Variants in NRCAM observed in about 807,000 individuals in gnomAD.
NRCAM encodes the protein neuronal cell adhesion molecule.
A neutral mutation model predicts 156.5 loss-of-function variants in NRCAM; 83 were observed. The observed-to-expected ratio is 0.53, with a 90% confidence interval of 0.44 to 0.64. NRCAM has a LOEUF of 0.64. NRCAM is among the 30% of genes least tolerant of loss of function. NRCAM has a pLI of 0.00. For synonymous variants in NRCAM, 538 were observed against 563.9 expected, an observed-to-expected ratio of 0.95 and a Z score of 0.65; for missense variants, 1,417 against 1,597.3, an observed-to-expected ratio of 0.89 and a Z score of 1.92.
chr7:108,311,270 ATTAC>A (rs1212715815), intron 3 of NRCAM, among the ~76,000 whole-genome samples: 1 of 152,186 alleles, frequency 6.6e-6, no homozygotes, highest in Non-Finnish European at 1.5e-5. Context: ...ACTTAATACC[ATTAC>A]TAGTAACTCC....
chr7:108,212,251 T>C (rs1049621637), intron 11 of NRCAM, among the ~76,000 whole-genome samples: 2 of 152,158 alleles, frequency 1.3e-5, no homozygotes, highest in Non-Finnish European at 2.9e-5. Flanking sequence ...ACAACAGACT[T>C]CAGCCCTAGA....
At chr7:108,179,974 G>C (rs1431116279) in intron 25 of NRCAM, among the ~76,000 whole-genome samples, 2 of 152,158 alleles carry the variant, frequency 1.3e-5, no homozygotes, top group African/African-American at 2.4e-5. Context: ...AGTGTGTGTG[G>C]AGAAAAATTT....
intron 11 of NRCAM, among the ~76,000 whole-genome samples, chr7:108,219,073 A>G (rs1232885640): frequency 6.6e-6 from 1 of 152,210 alleles, no homozygotes; most frequent in Admixed American, 6.5e-5. Flanking sequence ...CAAGGCTGCT[A>G]TGAACACCCT....
intron 2 of NRCAM, among the ~76,000 whole-genome samples, chr7:108,391,468 C>T (rs36199470): frequency 0.19 from 29,518 of 151,740 alleles, 3,479 homozygotes; most frequent in South Asian, 0.35. Flanking sequence ...CTATGTGTGT[C>T]TCTGCATGTG....
At chr7:108,235,391 C>G (rs1544677) in intron 5 of NRCAM, among the ~76,000 whole-genome samples, 124,644 of 152,166 alleles carry the variant, frequency 0.82, 51,149 homozygotes, top group Admixed American at 0.87. Context: ...TCTGAAGAAA[C>G]CTGTATCTGG....
At chr7:108,450,257 C>CTTTTTTTTTTTTTTTTTTTTTT (rs11316439) in intron 1 of NRCAM, among the ~76,000 whole-genome samples, 2 of 144,976 alleles carry the variant, frequency 1.4e-5, no homozygotes, top group Non-Finnish European at 1.5e-5. Flanking sequence ...TTACCACTGG[C>CTTTTTTTTTTTTTTTTTTTTTT]TTTTTTTTTT....
chr7:108,429,419 T>C (rs1471928220), intron 1 of NRCAM, among the ~76,000 whole-genome samples: 1 of 152,234 alleles, frequency 6.6e-6, no homozygotes, highest in African/African-American at 2.4e-5. Context: ...TTCAAACTCC[T>C]GACCTCAGGT....
chr7:108,251,969 A>C (rs2096379019), intron 3 of NRCAM, among the ~76,000 whole-genome samples: 1 of 152,204 alleles, frequency 6.6e-6, no homozygotes, highest in Non-Finnish European at 1.5e-5. Context: ...ACCAGAAAAC[A>C]GAAAACAAAA....
At chr7:108,178,276 T>A in intron 25 of NRCAM, 164 bp from the exon 26 acceptor site, 1 of 604,584 alleles carries the variant, frequency 1.7e-6, no homozygotes, top group Non-Finnish European at 2.9e-6. Flanking sequence ...GGCACCCATT[T>A]AGTTATTCTC....
At chr7:108,337,922 T>C (rs1486945681) in intron 2 of NRCAM, among the ~76,000 whole-genome samples, 1 of 152,174 alleles carries the variant, frequency 6.6e-6, no homozygotes, top group East Asian at 1.9e-4. Flanking sequence ...TTCCTTAGAA[T>C]TGGAGGAAAA....
intron 2 of NRCAM, among the ~76,000 whole-genome samples, chr7:108,353,591 G>T (rs527795334): frequency 6.6e-6 from 1 of 152,164 alleles, no homozygotes; most frequent in Admixed American, 6.6e-5. Context: ...GAAGTGCAGG[G>T]ATTACAGGCA....
chr7:108,436,624 C>A (rs1033912197), intron 1 of NRCAM, among the ~76,000 whole-genome samples: 3 of 151,972 alleles, frequency 2.0e-5, no homozygotes, highest in Non-Finnish European at 2.9e-5. Flanking sequence ...TTTTTCATAA[C>A]AAAATTTTAG....
rs2150816665 is a variant in NRCAM, at chr7:108,150,066, G to A, written c.3759C>T (p.Asp1253=). Reference sequence around the variant, plus strand: ...CCCCTTCTCCATAGTCAACTAGGCTGTCGTCACTATCTTCTTTTTTCACAG... The same window carrying A: ...CCCCTTCTCCATAGTCAACTAGGCTATCGTCACTATCTTCTTTTTTCACAG... The part of the protein sequence containing the change: ...DRTVKKEDSD[D]SLVDYGEGVN... The change falls in exon 33 of 33, where the codon GAC becomes GAT. Residue 1253 remains aspartate, a synonymous_variant. Coordinates refer to ENST00000379028, the MANE Select transcript of NRCAM (RefSeq NM_001037132.4). 1.9e-6 allele frequency: 3 copies of A among 1,614,038 alleles called. No individual in the cohort carries two copies. The highest frequency in any genetic ancestry group is 2.5e-6 in the Non-Finnish European group (3 of 1,179,958).
At chr7:108,350,239 A>T (rs1247256808) in intron 2 of NRCAM, among the ~76,000 whole-genome samples, 4 of 152,034 alleles carry the variant, frequency 2.6e-5, no homozygotes, top group African/African-American at 9.7e-5. Context: ...TATCATCTAA[A>T]CTCACTGTTC....
intron 2 of NRCAM, among the ~76,000 whole-genome samples, chr7:108,325,224 C>T (rs1234876574): frequency 6.6e-6 from 1 of 152,072 alleles, no homozygotes; most frequent in Non-Finnish European, 1.5e-5. Flanking sequence ...TCTTGGATTA[C>T]CATGGCATCT....
chr7:108,405,315 G>A (rs1354269238), intron 1 of NRCAM, among the ~76,000 whole-genome samples: 1 of 152,196 alleles, frequency 6.6e-6, no homozygotes, highest in Non-Finnish European at 1.5e-5. Context: ...GCCTCAGTGC[G>A]GCTTCTTTGT....
chr7:108,267,647 T>G (rs2097158970), intron 3 of NRCAM, among the ~76,000 whole-genome samples: 1 of 152,222 alleles, frequency 6.6e-6, no homozygotes, highest in Admixed American at 6.5e-5. Flanking sequence ...ACCCTGCATT[T>G]AAATTTTAGC....
intron 2 of NRCAM, among the ~76,000 whole-genome samples, chr7:108,347,652 T>C (rs1041026159): frequency 2.0e-5 from 3 of 152,010 alleles, no homozygotes; most frequent in Admixed American, 1.3e-4. Context: ...AATTCAGGAG[T>C]GGAAGTTGTA....
chr7:108,202,442 A>G (rs1374808881), intron 13 of NRCAM, among the ~76,000 whole-genome samples: 2 of 152,220 alleles, frequency 1.3e-5, no homozygotes, highest in African/African-American at 4.8e-5. Flanking sequence ...TGGAGATGAG[A>G]GACTACAAAT....
Sources: allele counts gnomAD v4.1 joint callset (sites outside exome capture counted in the v4.1 genomes callset), GRCh38; gene constraint gnomAD v4.1.1; transcripts MANE v1.5; gene names NCBI Gene and HGNC (gene_info 2026-07-23, HGNC 2026-07-21).